EBF1: variants seen among roughly 807,000 people sequenced by gnomAD.
The protein encoded by EBF1 is transcription factor COE1.
A neutral mutation model predicts 68.4 loss-of-function variants in EBF1; 10 were observed. The ratio of observed to expected loss-of-function variants is 0.15; its 90% CI spans 0.09 to 0.25. The LOEUF (loss-of-function observed/expected upper bound fraction) is 0.25. EBF1 is among the 10% of genes least tolerant of loss of function. The pLI, the probability that EBF1 is intolerant of heterozygous loss-of-function variation, is 1.00. For missense variants in EBF1, 509 were observed against 794.4 expected (o/e 0.64, Z 4.32); for synonymous variants, 298 against 299.8 (o/e 0.99, Z 0.06).
At chr5:158,739,807 T>C (rs1581483398) in intron 10 of EBF1, among the ~76,000 whole-genome samples, 1 of 152,174 alleles carries the variant, frequency 6.6e-6, no homozygotes, top group African/African-American at 2.4e-5. Context: ...GGGGGTAAAA[T>C]CACCCAGCCT....
At chr5:159,030,233 A>C (rs1375274567) in intron 6 of EBF1, among the ~76,000 whole-genome samples, 1 of 152,090 alleles carries the variant, frequency 6.6e-6, no homozygotes, top group Non-Finnish European at 1.5e-5. Context: ...GATGATTATA[A>C]TTGGATTATG....
rs763241214 is a variant in EBF1 at position 159,096,964 on chromosome 5, G to A, written c.291+10C>T. The A allele has an allele frequency of 2.5e-5, 41 of 1,612,832 alleles. No homozygotes were observed. Among genetic ancestry groups the A allele is most frequent in the Admixed American group, 5.0e-5 (3 of 59,944 alleles). On this transcript the variant is annotated intron_variant, in intron 2 of 15. Transcript: ENST00000313708. ...CGGGGACGAGGGGCGACAGCGCTGC[G>A]CCCACTTACTTTTTCCTTCTCCACG...
intron 6 of EBF1, among the ~76,000 whole-genome samples, chr5:159,006,102 C>T (rs1763490040): frequency 6.6e-6 from 1 of 152,168 alleles, no homozygotes. Flanking sequence ...GAGGAGAATT[C>T]AATTAGAAAC....
intron 8 of EBF1, among the ~76,000 whole-genome samples, chr5:158,822,308 GGATGGATA>G (rs1382010983): frequency 8.5e-4 from 111 of 131,110 alleles, no homozygotes; most frequent in African/African-American, 1.6e-3. Flanking sequence ...ATGGATGGAT[GGATGGATA>G]GATGGATAGA....
chr5:158,965,442 T>G (rs1753915308), intron 6 of EBF1, among the ~76,000 whole-genome samples: 1 of 152,240 alleles, frequency 6.6e-6, no homozygotes, highest in Non-Finnish European at 1.5e-5. Context: ...GGAAGATTAA[T>G]ATCATGCAGA....
chr5:159,005,910 C>T (rs1304581208), intron 6 of EBF1, among the ~76,000 whole-genome samples: 1 of 152,136 alleles, frequency 6.6e-6, no homozygotes, highest in African/African-American at 2.4e-5. Context: ...TATAATATTC[C>T]CAACACCATA....
chr5:158,953,108 T>G (rs1428849449), intron 6 of EBF1, among the ~76,000 whole-genome samples: 1 of 152,070 alleles, frequency 6.6e-6, no homozygotes, highest in Non-Finnish European at 1.5e-5. Context: ...AGACATGAGT[T>G]TATATTTATA....
At chr5:159,051,437 AC>A (rs936044797) in intron 6 of EBF1, among the ~76,000 whole-genome samples, 1 of 29,460 alleles carries the variant, frequency 3.4e-5, no homozygotes, top group Non-Finnish European at 6.6e-5. Context: ...GCAGCCCCCC[AC>A]CCCCCCACCC....
intron 15 of EBF1, among the ~76,000 whole-genome samples, chr5:158,705,731 C>T (rs1047348287): frequency 1.3e-5 from 2 of 152,204 alleles, no homozygotes; most frequent in Admixed American, 6.5e-5. Flanking sequence ...GCCCCTGTTT[C>T]CAACCACTTC....
At chr5:159,078,671 C>A (rs992841632) in intron 5 of EBF1, among the ~76,000 whole-genome samples, 1 of 152,206 alleles carries the variant, frequency 6.6e-6, no homozygotes, top group Non-Finnish European at 1.5e-5. Flanking sequence ...CCCTTCCGAA[C>A]CTGCAACCCC....
At position 159,023,132 on chromosome 5, in the gene EBF1, C is replaced by T. The variant is rs548232152; in HGVS notation, c.554+50264G>A. ...AACAGCTGTGCTTCACTGCAGAAAA[C>T]AGAACTCTTAAGCAGGTATTAATTT... On this transcript the variant is annotated intron_variant, in intron 6 of 15. Coordinates refer to ENST00000313708, the MANE Select transcript of EBF1 (RefSeq NM_024007.5). Among the ~76,000 whole-genome samples, 22 of 150,488 alleles carry T rather than the reference C, an allele frequency of 1.5e-4. No individual in the cohort carries two copies. In the South Asian group the frequency reaches 2.1e-3, roughly 14 times the overall value.
At chr5:158,920,835 G>A (rs964816010) in intron 6 of EBF1, among the ~76,000 whole-genome samples, 2 of 152,130 alleles carry the variant, frequency 1.3e-5, no homozygotes, top group Non-Finnish European at 1.5e-5. Context: ...TGGCACCAGC[G>A]TGACTCCCTG....
At chr5:159,043,005 T>C (rs890195507) in intron 6 of EBF1, among the ~76,000 whole-genome samples, 3 of 152,206 alleles carry the variant, frequency 2.0e-5, no homozygotes, top group Non-Finnish European at 4.4e-5. Flanking sequence ...TATTTTATCA[T>C]AGGTGAAATA....
At chr5:158,951,016 C>T (rs958355108) in intron 6 of EBF1, among the ~76,000 whole-genome samples, 1 of 152,204 alleles carries the variant, frequency 6.6e-6, no homozygotes, top group African/African-American at 2.4e-5. Flanking sequence ...TCAATATTAA[C>T]TCCAACTTAG....
chr5:158,935,978 T>G (rs779247314), intron 6 of EBF1, among the ~76,000 whole-genome samples: 1 of 152,202 alleles, frequency 6.6e-6, no homozygotes, highest in Non-Finnish European at 1.5e-5. Context: ...TAGCCCAAGA[T>G]AGACTGGTTG....
At chr5:158,738,141 TAA>T (rs1278799204) in intron 10 of EBF1, among the ~76,000 whole-genome samples, 2 of 152,206 alleles carry the variant, frequency 1.3e-5, no homozygotes, top group Admixed American at 1.3e-4. Flanking sequence ...TACTGTTTTA[TAA>T]AAATATAGAT....
intron 6 of EBF1, among the ~76,000 whole-genome samples, chr5:159,044,109 T>C (rs1389068513): frequency 6.6e-6 from 1 of 152,232 alleles, no homozygotes; most frequent in Non-Finnish European, 1.5e-5. Context: ...ATCATAGCTA[T>C]GTTATTATAT....
intron 6 of EBF1, among the ~76,000 whole-genome samples, chr5:158,989,373 G>A (rs1399421266): frequency 2.0e-5 from 3 of 152,226 alleles, no homozygotes; most frequent in African/African-American, 7.2e-5. Flanking sequence ...TGAGCCAAAT[G>A]ATGGACAATT....
At chr5:158,947,255 C>G (rs1814962032) in intron 6 of EBF1, among the ~76,000 whole-genome samples, 1 of 152,042 alleles carries the variant, frequency 6.6e-6, no homozygotes, top group Non-Finnish European at 1.5e-5. Flanking sequence ...AAAACTCCTG[C>G]AGCTAGCTCG....
Sources: gnomAD v4.1 joint callset for allele counts (sites outside exome capture counted in the v4.1 genomes callset) on GRCh38, gnomAD v4.1.1 for gene constraint, MANE v1.5 for transcripts, NCBI Gene and HGNC (gene_info 2026-07-23, HGNC 2026-07-21) for gene names.